Variants in SMOC1 observed in about 807,000 individuals in gnomAD.
The protein encoded by SMOC1 is SPARC related modular calcium binding 1, also known as SPARC-related modular calcium-binding protein 1.
A neutral mutation model predicts 56.3 loss-of-function variants in SMOC1; 22 were observed. The ratio of observed to expected loss-of-function variants is 0.39; its 90% CI spans 0.28 to 0.56. The LOEUF (loss-of-function observed/expected upper bound fraction) is 0.56, where lower values mean the gene tolerates loss of function less well. SMOC1 is among the 20% of genes least tolerant of loss of function. The pLI is 0.61. For synonymous variants in SMOC1, 193 were observed against 215.0 expected (o/e 0.90, Z 0.89); for missense variants, 509 against 565.4 (o/e 0.90, Z 1.01).
intron 1 of SMOC1, among the ~76,000 whole-genome samples, chr14:69,906,506 G>A (rs1250307900): frequency 1.3e-5 from 2 of 152,296 alleles, no homozygotes; most frequent in East Asian, 3.9e-4. Flanking sequence ...TTCAACCCTA[G>A]CCTTTGAGTC....
chr14:69,949,036 C>T (rs935562002), intron 1 of SMOC1, among the ~76,000 whole-genome samples: 1 of 152,196 alleles, frequency 6.6e-6, no homozygotes, highest in Non-Finnish European at 1.5e-5. Context: ...GACCAAGCAC[C>T]TACTCTGTGT....
intron 5 of SMOC1, 143 bp from the exon 6 acceptor site, chr14:69,992,270 CTTCT>C: frequency 2.7e-6 from 2 of 727,624 alleles, no homozygotes; most frequent in East Asian, 5.4e-5. Flanking sequence ...TTGCCCTTTT[CTTCT>C]TTTGTTTCTT....
chr14:70,020,491 G>A (rs2139609189), intron 10 of SMOC1, among the ~76,000 whole-genome samples: 1 of 152,296 alleles, frequency 6.6e-6, no homozygotes, highest in Middle Eastern at 3.4e-3. Flanking sequence ...TAGCTGGGAA[G>A]GAGGAAGGAA....
chr14:70,000,938 T>C (rs1049966482), intron 7 of SMOC1, among the ~76,000 whole-genome samples: 1 of 152,146 alleles, frequency 6.6e-6, no homozygotes, highest in Non-Finnish European at 1.5e-5. Flanking sequence ...GTGGACGGTG[T>C]TACTTTTGTG....
At chr14:69,888,055 T>G (rs915087291) in intron 1 of SMOC1, among the ~76,000 whole-genome samples, 1 of 152,196 alleles carries the variant, frequency 6.6e-6, no homozygotes, top group Admixed American at 6.5e-5. Context: ...GTCCTGGTAT[T>G]GCTGCTAGTG....
chr14:69,916,605 C>A (rs34050222), intron 1 of SMOC1, among the ~76,000 whole-genome samples: 47,428 of 152,028 alleles, frequency 0.31, 7,576 homozygotes, highest in Admixed American at 0.38. Flanking sequence ...GCACTTGGGT[C>A]CATTTCCTCC....
rs1458156274 is a variant in SMOC1, at chr14:70,011,595, C to T, written c.940+28C>T. On this transcript the variant is annotated intron_variant, in intron 9 of 11. Transcript: ENST00000361956. ...GGGAGACGATGCTGCCCTGCCGGCGCCATCACCTCCTTCTGTTCCTCCACC... is the reference window on the plus strand; with the variant it reads ...GGGAGACGATGCTGCCCTGCCGGCGTCATCACCTCCTTCTGTTCCTCCACC... 1.8e-5 allele frequency: 28 copies of T among 1,594,816 alleles called. No homozygotes were observed. The East Asian group carries it at 6.2e-4, about 36-fold the overall frequency.
At position 69,894,884 on chromosome 14, in the gene SMOC1, A is replaced by G. The variant is rs531543644; in HGVS notation, c.99+15107A>G. Among the ~76,000 whole-genome samples, 3 of 152,370 alleles carry G rather than the reference A, an allele frequency of 2.0e-5. No homozygotes were observed. The East Asian group carries it at 5.8e-4, about 29-fold the overall frequency. On this transcript the variant is annotated intron_variant, in intron 1 of 11. Transcript: ENST00000361956. ...TGTGAAGATGATTCCAGAAAGCCCA[A>G]AATAAGGATAATAGGCCCGCAGTTG...
intron 1 of SMOC1, among the ~76,000 whole-genome samples, chr14:69,903,438 C>T (rs1034878962): frequency 2.6e-5 from 4 of 152,246 alleles, no homozygotes; most frequent in East Asian, 3.9e-4. Flanking sequence ...GCCATGATGA[C>T]GATGGCGGTT....
At chr14:69,937,932 G>A (rs189692168) in intron 1 of SMOC1, among the ~76,000 whole-genome samples, 1 of 152,134 alleles carries the variant, frequency 6.6e-6, no homozygotes, top group Non-Finnish European at 1.5e-5. Flanking sequence ...AGCAAGACTG[G>A]GATTTCCTCT....
intron 3 of SMOC1, among the ~76,000 whole-genome samples, chr14:69,967,423 A>G (rs1026077929): frequency 2.6e-5 from 4 of 152,226 alleles, no homozygotes; most frequent in African/African-American, 9.6e-5. Context: ...GCTTTGAATG[A>G]GGCCCAACAC....
chr14:69,980,727 C>T lies in SMOC1; in HGVS notation c.526+2762C>T, dbSNP rs564208334. On this transcript the variant is annotated intron_variant, in intron 5 of 11. Transcript: ENST00000361956. Reference sequence around the variant, plus strand: ...AAGGCCCCTTGTCTGAGCTTGTGCCCGCACATGGCTTCTCATAGGAGGCAT... The same window carrying T: ...AAGGCCCCTTGTCTGAGCTTGTGCCTGCACATGGCTTCTCATAGGAGGCAT... Among the ~76,000 whole-genome samples, 38 of 152,308 alleles carry T rather than the reference C, an allele frequency of 2.5e-4. 1 individual carries two copies. The South Asian group carries it at 5.8e-3, about 23-fold the overall frequency.
chr14:70,029,517 C>CA (rs1886059805), intron 11 of SMOC1, among the ~76,000 whole-genome samples: 1 of 152,198 alleles, frequency 6.6e-6, no homozygotes, highest in Admixed American at 6.5e-5. Context: ...CATAGACACT[C>CA]ACAGAGCAAA....
chr14:69,994,727 A>G (rs182511050), intron 7 of SMOC1, among the ~76,000 whole-genome samples: 9 of 152,324 alleles, frequency 5.9e-5, no homozygotes, highest in African/African-American at 1.9e-4. Flanking sequence ...ACTGTATATT[A>G]TAATATTTTG....
intron 3 of SMOC1, among the ~76,000 whole-genome samples, chr14:69,959,848 T>C (rs1883309682): frequency 6.6e-6 from 1 of 152,224 alleles, no homozygotes; most frequent in Admixed American, 6.5e-5. Context: ...GTCATTTCCA[T>C]AGTTCTTACT....
At chr14:70,010,098 C>T (rs1318331464) in intron 7 of SMOC1, among the ~76,000 whole-genome samples, 1 of 152,200 alleles carries the variant, frequency 6.6e-6, no homozygotes, top group East Asian at 1.9e-4. Context: ...CTGCTGAGTG[C>T]AGACACCATC....
At chr14:69,922,572 T>A (rs227432) in intron 1 of SMOC1, among the ~76,000 whole-genome samples, 80,160 of 152,022 alleles carry the variant, frequency 0.53, 22,126 homozygotes, top group African/African-American at 0.69. Flanking sequence ...TTGGCATCAC[T>A]TAGAAATGCA....
Position 70,023,260 on chromosome 14 carries a change from C to T in SMOC1, c.1104C>T (p.Phe368=), listed in dbSNP as rs1016424056. Residue 368 remains phenylalanine, a synonymous_variant, in exon 11 of 12, where the codon TTC becomes TTT. Transcript: ENST00000361956. The part of the protein sequence containing the change: ...TLEERVVHWY[F]SQLDSNSSND... ...AGGAGCGGGTAGTGCACTGGTATTT[C>T]AGCCAGCTGGACAGCAATAGCAGCA... 6.2e-7 allele frequency: 1 copy of T among 1,614,066 alleles called. No individual in the cohort carries two copies. Among genetic ancestry groups the T allele is most frequent in the African/African-American group, 1.3e-5 (1 of 74,916 alleles).
chr14:69,898,983 T>G (rs1019095246), intron 1 of SMOC1, among the ~76,000 whole-genome samples: 1 of 152,014 alleles, frequency 6.6e-6, no homozygotes, highest in Non-Finnish European at 1.5e-5. Context: ...TAGGTCTCAG[T>G]TTTTTGGTGA....
Sources: gnomAD v4.1 joint callset for allele counts (sites outside exome capture counted in the v4.1 genomes callset) on GRCh38, gnomAD v4.1.1 for gene constraint, MANE v1.5 for transcripts, NCBI Gene and HGNC (gene_info 2026-07-23, HGNC 2026-07-21) for gene names.